MSI2: variants seen among roughly 807,000 people sequenced by gnomAD.
MSI2 encodes the protein musashi RNA binding protein 2, also known as RNA-binding protein Musashi homolog 2.
Under a neutral mutation model 45.6 loss-of-function variants are expected in MSI2, and 17 were observed. The observed-to-expected ratio is 0.37, with a 90% CI of 0.26 to 0.56. The LOEUF is 0.56. Among genes scored for constraint, MSI2 ranks in the 20% least tolerant of loss-of-function variants. The pLI is 0.77. For synonymous variants in MSI2, 156 were observed against 158.2 expected (o/e 0.99, Z 0.11); for missense variants, 293 against 444.2 (o/e 0.66, Z 3.06).
intron 7 of MSI2, among the ~76,000 whole-genome samples, chr17:57,564,809 G>C (rs1197170266): frequency 2.6e-5 from 4 of 152,222 alleles, no homozygotes; most frequent in Non-Finnish European, 4.4e-5. Context: ...GAGTAATGCA[G>C]TTATGAACCC....
At chr17:57,567,591 C>T (rs776806799) in intron 7 of MSI2, among the ~76,000 whole-genome samples, 16 of 152,210 alleles carry the variant, frequency 1.1e-4, no homozygotes, top group Admixed American at 2.6e-4. Flanking sequence ...AGTTAACCGG[C>T]GACTGCCAGT....
intron 10 of MSI2, among the ~76,000 whole-genome samples, chr17:57,650,515 C>T (rs1312770055): frequency 2.6e-5 from 4 of 152,180 alleles, no homozygotes; most frequent in Admixed American, 6.5e-5. Flanking sequence ...GTCTCCCTCT[C>T]GGTTCATTGC....
Position 57,682,304 on chromosome 17 carries a change from G to C in MSI2, c.*2787G>C, listed in dbSNP as rs933002182. ...ATGTTAAAATGCCGGCGGACTCTAC[G>C]GCGTTTTGTAGATCCCCCCCCCCCC... On this transcript the variant is annotated 3_prime_UTR_variant, in exon 14 of 14. Transcript: ENST00000284073. The C allele has an allele frequency of 5.3e-6, 1 of 188,992 alleles. No individual in the cohort carries two copies. The highest frequency in any genetic ancestry group is 2.4e-5 in the African/African-American group (1 of 42,192). The allele number at this position is 188,992 out of a possible 1,614,324, so 11.7% of individuals were successfully genotyped here. A position where few individuals can be genotyped will look rare whatever the true frequency, so the allele number is the denominator to read the frequency against.
intron 5 of MSI2, among the ~76,000 whole-genome samples, chr17:57,301,899 T>TAA (rs1173404103): frequency 2.0e-5 from 3 of 152,254 alleles, no homozygotes; most frequent in Non-Finnish European, 4.4e-5. Flanking sequence ...AACTTCAGGT[T>TAA]AACTAGAAAC....
intron 6 of MSI2, chr17:57,448,357 G>A (rs954147318): frequency 6.6e-6 from 1 of 152,212 alleles, no homozygotes; most frequent in African/African-American, 2.4e-5. Context: ...TGCACATGTA[G>A]GTAATTTATT....
At chr17:57,653,259 C>T (rs1643514823) in intron 11 of MSI2, among the ~76,000 whole-genome samples, 2 of 152,210 alleles carry the variant, frequency 1.3e-5, no homozygotes, top group Admixed American at 1.3e-4. Context: ...ACTGGCACTG[C>T]CTCGAGCTAC....
At chr17:57,291,707 C>T (rs774914682) in intron 5 of MSI2, among the ~76,000 whole-genome samples, 3 of 152,126 alleles carry the variant, frequency 2.0e-5, no homozygotes, top group Admixed American at 1.3e-4. Flanking sequence ...GTTTTCTCTA[C>T]GGTAGGACTG....
intron 6 of MSI2, among the ~76,000 whole-genome samples, chr17:57,475,734 AG>A (rs1347735021): frequency 6.6e-6 from 1 of 152,048 alleles, no homozygotes; most frequent in Non-Finnish European, 1.5e-5. Context: ...GTCCTTTCTG[AG>A]GAGCCCCAGA....
chr17:57,291,388 C>T lies in MSI2; in HGVS notation c.312+29196C>T, dbSNP rs180755439. On this transcript the variant is annotated intron_variant, in intron 5 of 13. Transcript: ENST00000284073. ...ATAGCAGAGAGGATACAATTCACCACCAATAATACCGAGCAATAAATAACC... is the reference window on the plus strand; with the variant it reads ...ATAGCAGAGAGGATACAATTCACCATCAATAATACCGAGCAATAAATAACC... Among the ~76,000 whole-genome samples, 327 of 152,312 alleles carry T rather than the reference C, an allele frequency of 2.1e-3. 1 individual carries two copies. The highest frequency in any genetic ancestry group is 3.1e-3 in the Non-Finnish European group (209 of 68,030).
At chr17:57,289,015 G>T (rs1910162279) in intron 5 of MSI2, among the ~76,000 whole-genome samples, 1 of 152,192 alleles carries the variant, frequency 6.6e-6, no homozygotes, top group South Asian at 2.1e-4. Context: ...TAGCACTATA[G>T]GTCACTTCTC....
chr17:57,465,855 G>A (rs527381145), intron 6 of MSI2, among the ~76,000 whole-genome samples: 5 of 152,264 alleles, frequency 3.3e-5, no homozygotes, highest in Admixed American at 1.3e-4. Flanking sequence ...GCTTTATTGC[G>A]ATGCTTTTAG....
At chr17:57,455,285 C>A (rs142598843) in intron 6 of MSI2, among the ~76,000 whole-genome samples, 1 of 152,138 alleles carries the variant, frequency 6.6e-6, no homozygotes, top group Non-Finnish European at 1.5e-5. Context: ...GCAGTGAAGC[C>A]CCTGCCCCCC....
intron 8 of MSI2, chr17:57,608,153 TC>T (rs1199153430): frequency 1.3e-5 from 2 of 152,520 alleles, no homozygotes; most frequent in African/African-American, 2.4e-5. Context: ...GACCAGGGCT[TC>T]CCAGCACAGC....
At chr17:57,655,457 A>G (rs946034224) in intron 11 of MSI2, among the ~76,000 whole-genome samples, 5 of 152,076 alleles carry the variant, frequency 3.3e-5, no homozygotes, top group African/African-American at 9.7e-5. Flanking sequence ...CCGTGTATCA[A>G]TCTTAGAGCT....
intron 11 of MSI2, among the ~76,000 whole-genome samples, chr17:57,653,797 G>A (rs1911366068): frequency 6.6e-6 from 1 of 152,056 alleles, no homozygotes; most frequent in African/African-American, 2.4e-5. Flanking sequence ...GCAGCATGGG[G>A]TTCTTTATGA....
intron 5 of MSI2, among the ~76,000 whole-genome samples, chr17:57,323,907 C>G (rs1913557942): frequency 2.6e-5 from 4 of 152,176 alleles, no homozygotes; most frequent in Admixed American, 1.3e-4. Flanking sequence ...CCCACAGGTT[C>G]TGAGATGGTT....
At chr17:57,401,282 C>T (rs2083985142) in intron 5 of MSI2, 97 bp from the exon 6 acceptor site, 12 of 1,010,874 alleles carry the variant, frequency 1.2e-5, no homozygotes, top group Non-Finnish European at 6.2e-6. Context: ...AATTGCCTTC[C>T]TAGAGAAATG....
intron 7 of MSI2, among the ~76,000 whole-genome samples, chr17:57,541,509 A>G (rs1477519592): frequency 2.0e-5 from 3 of 152,222 alleles, no homozygotes; most frequent in African/African-American, 7.2e-5. Context: ...ACTGAACTTC[A>G]AAAGCTGCCA....
chr17:57,260,565 T>C (rs1907214949), intron 4 of MSI2, among the ~76,000 whole-genome samples: 1 of 152,176 alleles, frequency 6.6e-6, no homozygotes, highest in South Asian at 2.1e-4. Flanking sequence ...GTCAACAGAA[T>C]GGAAAATCCA....
Sources: allele counts gnomAD v4.1 joint callset (sites outside exome capture counted in the v4.1 genomes callset), GRCh38; gene constraint gnomAD v4.1.1; transcripts MANE v1.5; gene names NCBI Gene and HGNC (gene_info 2026-07-23, HGNC 2026-07-21).